RBFOX1: variants seen among roughly 807,000 people sequenced by gnomAD.
RBFOX1 encodes RNA binding protein fox-1 homolog 1.
In RBFOX1, 8 loss-of-function variants were observed where a neutral mutation model predicts 57.7. The ratio of observed to expected loss-of-function variants is 0.14; its 90% confidence interval spans 0.08 to 0.25. The LOEUF (loss-of-function observed/expected upper bound fraction) is 0.25, where lower values mean the gene tolerates loss of function less well. Ranked by LOEUF, RBFOX1 falls within the 10% of genes least tolerant of loss-of-function variation. The pLI, the probability that RBFOX1 is intolerant of heterozygous loss-of-function variation, is 1.00. For missense variants in RBFOX1, 611 were observed against 548.5 expected, an observed-to-expected ratio of 1.11 and a Z score of -1.14; for synonymous variants, 326 against 222.4, an observed-to-expected ratio of 1.47 and a Z score of -4.15.
intron 3 of RBFOX1, among the ~76,000 whole-genome samples, chr16:5,829,121 C>G (rs145071254): frequency 6.6e-6 from 1 of 152,070 alleles, no homozygotes; most frequent in African/African-American, 2.4e-5. Context: ...CAGGAGGAGA[C>G]CACTCAAAGG....
At chr16:6,719,200 T>C (rs909434403) in intron 3 of RBFOX1, among the ~76,000 whole-genome samples, 2 of 152,114 alleles carry the variant, frequency 1.3e-5, no homozygotes, top group East Asian at 1.9e-4. Context: ...AAAAATGCTA[T>C]TGACTTCAGT....
At chr16:6,858,414 A>C (rs1346746882) in intron 3 of RBFOX1, among the ~76,000 whole-genome samples, 1 of 152,126 alleles carries the variant, frequency 6.6e-6, no homozygotes, top group Non-Finnish European at 1.5e-5. Flanking sequence ...TTTCTTCTTT[A>C]ATTGTGGACT....
chr16:6,505,232 AGTT>A (rs1256994438), intron 2 of RBFOX1, among the ~76,000 whole-genome samples: 3 of 152,250 alleles, frequency 2.0e-5, no homozygotes, highest in East Asian at 3.9e-4. Flanking sequence ...ACTTTTATGT[AGTT>A]GTCACTTTCA....
chr16:5,249,734 C>G (rs1388906938), intron 1 of RBFOX1, among the ~76,000 whole-genome samples: 1 of 152,190 alleles, frequency 6.6e-6, no homozygotes, highest in Non-Finnish European at 1.5e-5. Flanking sequence ...TTTTGGAGGT[C>G]AAGGTGGGCG....
intron 3 of RBFOX1, among the ~76,000 whole-genome samples, chr16:6,876,598 G>A (rs1289336428): frequency 1.3e-5 from 2 of 151,958 alleles, no homozygotes; most frequent in African/African-American, 2.4e-5. Context: ...ACTTTATGAT[G>A]CACCATACTA....
chr16:5,509,104 G>T (rs2043486784), intron 2 of RBFOX1, among the ~76,000 whole-genome samples: 1 of 152,206 alleles, frequency 6.6e-6, no homozygotes, highest in African/African-American at 2.4e-5. Context: ...CTGGGTCTCA[G>T]AGGCACAGTG....
At chr16:5,359,739 G>A (rs1025128694) in intron 1 of RBFOX1, among the ~76,000 whole-genome samples, 1 of 151,210 alleles carries the variant, frequency 6.6e-6, no homozygotes, top group Non-Finnish European at 1.5e-5. Context: ...TTAACTTGAT[G>A]TGATCCCATT....
At chr16:6,767,776 TG>T (rs1015823369) in intron 3 of RBFOX1, among the ~76,000 whole-genome samples, 17 of 151,790 alleles carry the variant, frequency 1.1e-4, no homozygotes, top group African/African-American at 4.1e-4. Context: ...TAGCCAGGCA[TG>T]GTGACGGGTG....
At chr16:7,404,949 A>G (rs2098312634) in intron 4 of RBFOX1, among the ~76,000 whole-genome samples, 1 of 152,106 alleles carries the variant, frequency 6.6e-6, no homozygotes, top group African/African-American at 2.4e-5. Context: ...CTCGTTTCTC[A>G]TGTCTACTCC....
At chr16:5,865,292 C>T (rs62017070) in intron 3 of RBFOX1, among the ~76,000 whole-genome samples, 33 of 152,182 alleles carry the variant, frequency 2.2e-4, no homozygotes, top group Non-Finnish European at 4.0e-4. Flanking sequence ...TTGTGCTTTA[C>T]GGATGTGGCT....
intron 2 of RBFOX1, among the ~76,000 whole-genome samples, chr16:6,418,519 A>ATTTTTTTTTTTT (rs567448072): frequency 9.9e-6 from 1 of 100,958 alleles, no homozygotes; most frequent in Non-Finnish European, 2.0e-5. Context: ...TGCAAGCCTT[A>ATTTTTTTTTTTT]TTTTTTTTTT....
At chr16:5,645,312 CA>C (rs2049017365) in intron 3 of RBFOX1, among the ~76,000 whole-genome samples, 1 of 151,384 alleles carries the variant, frequency 6.6e-6, no homozygotes, top group African/African-American at 2.4e-5. Context: ...AAGCTGCACA[CA>C]AAAGGCCACA....
chr16:6,484,067 C>A (rs966793050), intron 2 of RBFOX1, among the ~76,000 whole-genome samples: 1 of 152,280 alleles, frequency 6.6e-6, no homozygotes, highest in East Asian at 1.9e-4. Context: ...ATTTTCTTTA[C>A]CCACTGGAAG....
intron 4 of RBFOX1, among the ~76,000 whole-genome samples, chr16:5,929,221 C>G (rs2058998120): frequency 6.6e-6 from 1 of 152,090 alleles, no homozygotes; most frequent in African/African-American, 2.4e-5. Context: ...CCCAGCACCT[C>G]TGTGCCACTT....
At chr16:6,101,675 A>G (rs1403218172) in intron 1 of RBFOX1, among the ~76,000 whole-genome samples, 1 of 152,054 alleles carries the variant, frequency 6.6e-6, no homozygotes, top group African/African-American at 2.4e-5. Flanking sequence ...TAATCCCAGC[A>G]ATTTGGGAAG....
At position 6,824,124 on chromosome 16, in the gene RBFOX1, GC is replaced by G. The variant is rs2091776619; in HGVS notation, c.-16+169475del. 2.6e-5 allele frequency among the ~76,000 whole-genome samples: 4 copies of G among 152,220 alleles called. No homozygotes were observed. The South Asian group carries it at 8.3e-4, about 31-fold the overall frequency. ...TTTCCAGAATGTAAATAGTTATTTG[GC>G]TAGGCGCTGTTGCTGGCGCCTGTAA... On this transcript the variant is annotated intron_variant, in intron 3 of 15. Transcript: ENST00000550418.
At position 7,708,359 on chromosome 16, in the gene RBFOX1, T is replaced by C. The variant is rs575521138; in HGVS notation, c.996-697T>C. ...CCAGAAGCCATGGCAGGTAGTAGGA[T>C]GGTAGAGAGAAAAACACAAAGATGA... On this transcript the variant is annotated intron_variant, in intron 14 of 15. Transcript: ENST00000550418. Among the ~76,000 whole-genome samples, 6 of 152,302 alleles carry C rather than the reference T, an allele frequency of 3.9e-5. No homozygotes were observed. The East Asian group carries it at 9.6e-4, about 24-fold the overall frequency.
chr16:7,172,233 T>C (rs1434020705), intron 4 of RBFOX1, among the ~76,000 whole-genome samples: 1 of 152,104 alleles, frequency 6.6e-6, no homozygotes, highest in East Asian at 1.9e-4. Context: ...ATCCACATAC[T>C]CTTCAATAAA....
At chr16:5,469,595 C>G (rs1490193407) in intron 2 of RBFOX1, among the ~76,000 whole-genome samples, 2 of 152,092 alleles carry the variant, frequency 1.3e-5, no homozygotes, top group East Asian at 1.9e-4. Flanking sequence ...TGCCACCATA[C>G]CTTCATGTAG....
Sources: gnomAD v4.1 joint callset for allele counts (sites outside exome capture counted in the v4.1 genomes callset) on GRCh38, gnomAD v4.1.1 for gene constraint, MANE v1.5 for transcripts, NCBI Gene and HGNC (gene_info 2026-07-23, HGNC 2026-07-21) for gene names.